The following ZEB1 variants were observed in gnomAD, a reference collection of about 807,000 sequenced individuals.
The protein encoded by ZEB1 is zinc finger E-box-binding homeobox 1.
A neutral mutation model predicts 84.9 loss-of-function variants in ZEB1; 21 were observed. That is an observed-to-expected ratio of 0.25 (90% CI 0.18 to 0.36). The LOEUF (loss-of-function observed/expected upper bound fraction) is 0.36. ZEB1 is among the 10% of genes least tolerant of loss of function. ZEB1 has a pLI of 1.00. For synonymous variants in ZEB1, 420 were observed against 471.1 expected (o/e 0.89, Z 1.41); for missense variants, 1,104 against 1,330.2 (o/e 0.83, Z 2.65).
At chr10:31,465,502 A>C (rs889701943) in intron 2 of ZEB1, among the ~76,000 whole-genome samples, 1 of 151,802 alleles carries the variant, frequency 6.6e-6, no homozygotes, top group African/African-American at 2.4e-5. Context: ...CAGCAAAGAA[A>C]CAAAGGCACT....
intron 1 of ZEB1, among the ~76,000 whole-genome samples, chr10:31,446,445 C>T (rs1260419328): frequency 6.6e-5 from 10 of 150,578 alleles, no homozygotes; most frequent in Non-Finnish European, 1.5e-4. Context: ...TATTTCTTGC[C>T]TTCTGCTAGC....
chr10:31,381,803 G>T (rs1315745661), intron 1 of ZEB1: 1 of 152,078 alleles, frequency 6.6e-6, no homozygotes, highest in Admixed American at 6.6e-5. Context: ...TTGAGATCAG[G>T]AGTTCAAGAC....
rs535534850 is a variant in ZEB1, at chr10:31,382,006, CAAAAAAAAA to C, written c.58+62734_58+62742del. Among the ~76,000 whole-genome samples the C allele has an allele frequency of 1.1e-3, 45 of 40,788 alleles. No homozygotes were observed. In the East Asian group the frequency reaches 0.013, roughly 12 times the overall value. 26.8% of individuals were successfully genotyped at this position (40,788 alleles called of 152,430 possible). A position where few individuals can be genotyped will look rare whatever the true frequency, so the allele number is the denominator to read the frequency against. On this transcript the variant is annotated intron_variant, in intron 1 of 8. Transcript: ENST00000424869. ...AGACTGGGCGACAGTGAGACTGTCT[CAAAAAAAAA>C]AAAAAAAAAAAAAAAAAAACAAAGT...
At chr10:31,471,518 A>C (rs2137938864) in intron 2 of ZEB1, among the ~76,000 whole-genome samples, 1 of 149,720 alleles carries the variant, frequency 6.7e-6, no homozygotes, top group East Asian at 2.0e-4. Flanking sequence ...TAACTATCCT[A>C]AATATATATG....
At chr10:31,481,072 A>G (rs2064985980) in intron 2 of ZEB1, among the ~76,000 whole-genome samples, 2 of 152,024 alleles carry the variant, frequency 1.3e-5, no homozygotes, top group African/African-American at 4.8e-5. Context: ...TAAATTTGTC[A>G]TAGAGATTTG....
At chr10:31,484,329 G>A (rs934641984) in intron 2 of ZEB1, among the ~76,000 whole-genome samples, 1 of 151,916 alleles carries the variant, frequency 6.6e-6, no homozygotes, top group African/African-American at 2.4e-5. Context: ...AATCACACAA[G>A]TTCATAAACC....
intron 2 of ZEB1, among the ~76,000 whole-genome samples, chr10:31,462,896 A>T (rs951611710): frequency 5.3e-5 from 8 of 152,084 alleles, no homozygotes; most frequent in African/African-American, 1.9e-4. Context: ...ATGGGATGGG[A>T]ATAGAAGGGA....
At chr10:31,503,855 A>G (rs560329349) in intron 4 of ZEB1, among the ~76,000 whole-genome samples, 2 of 152,120 alleles carry the variant, frequency 1.3e-5, no homozygotes, top group African/African-American at 2.4e-5. Flanking sequence ...GGCTATTTGT[A>G]TGTCTTCTTT....
At chr10:31,460,971 C>A in intron 1 of ZEB1, 66 bp from the exon 2 acceptor site, 2 of 1,269,640 alleles carry the variant, frequency 1.6e-6, no homozygotes, top group Non-Finnish European at 2.3e-6. Flanking sequence ...TTTTATTTTT[C>A]TGAGATGTAA....
chr10:31,350,251 T>C (rs1057332746), intron 1 of ZEB1, among the ~76,000 whole-genome samples: 1 of 152,126 alleles, frequency 6.6e-6, no homozygotes, highest in African/African-American at 2.4e-5. Flanking sequence ...CTCTATTATA[T>C]TCATATTTTT....
At chr10:31,396,780 G>A (rs1416763895) in intron 1 of ZEB1, among the ~76,000 whole-genome samples, 1 of 152,140 alleles carries the variant, frequency 6.6e-6, no homozygotes, top group Non-Finnish European at 1.5e-5. Context: ...GAAACCTGAT[G>A]TGAAATTACC....
chr10:31,465,877 C>T (rs2062360073), intron 2 of ZEB1, among the ~76,000 whole-genome samples: 1 of 151,986 alleles, frequency 6.6e-6, no homozygotes, highest in Non-Finnish European at 1.5e-5. Context: ...TACAAGCTGC[C>T]TACAGGAGAC....
chr10:31,319,094 A>C, upstream of ZEB1: 2 of 634,286 alleles, frequency 3.2e-6, no homozygotes, highest in Non-Finnish European at 2.9e-6. Flanking sequence ...TCTAGGTGTA[A>C]GGAAGGTGAT....
intron 1 of ZEB1, among the ~76,000 whole-genome samples, chr10:31,444,365 C>T (rs1295305400): frequency 6.7e-6 from 1 of 150,310 alleles, no homozygotes; most frequent in African/African-American, 2.5e-5. Context: ...TTGTAGGTTG[C>T]CTGTTCACTC....
chr10:31,390,314 T>C (rs901722107), intron 1 of ZEB1, among the ~76,000 whole-genome samples: 1 of 152,124 alleles, frequency 6.6e-6, no homozygotes, highest in Non-Finnish European at 1.5e-5. Flanking sequence ...AGCATCTCTT[T>C]CTCTGCGCAG....
intron 2 of ZEB1, among the ~76,000 whole-genome samples, chr10:31,474,489 G>T (rs1478619630): frequency 1.3e-4 from 20 of 152,116 alleles, no homozygotes; most frequent in African/African-American, 2.2e-4. Context: ...ATCAGAGAAA[G>T]GCAAATCAAA....
chr10:31,361,010 A>G, intron 1 of ZEB1: 3 of 1,608,962 alleles, frequency 1.9e-6, no homozygotes, highest in Non-Finnish European at 2.5e-6. Context: ...GCGCTTTACA[A>G]GGCTCCTGCT....
intron 1 of ZEB1, among the ~76,000 whole-genome samples, chr10:31,327,079 C>CT (rs1327948160): frequency 7.5e-5 from 10 of 133,720 alleles, no homozygotes; most frequent in Non-Finnish European, 1.5e-4. Flanking sequence ...CTATCATTTA[C>CT]TTTCTTTTTC....
At chr10:31,363,522 C>A (rs1293197918) in intron 1 of ZEB1, 14 of 1,528,990 alleles carry the variant, frequency 9.2e-6, no homozygotes, top group South Asian at 1.2e-5. Flanking sequence ...TACAGGGGCC[C>A]CTTTTATTGT....
Sources: allele counts gnomAD v4.1 joint callset (sites outside exome capture counted in the v4.1 genomes callset), GRCh38; gene constraint gnomAD v4.1.1; transcripts MANE v1.5; gene names NCBI Gene and HGNC (gene_info 2026-07-23, HGNC 2026-07-21).